PLS1: variants seen among roughly 807,000 people sequenced by gnomAD.
The protein encoded by PLS1 is plastin-1.
PLS1 carries 32 observed loss-of-function variants against 73.7 expected under a neutral mutation model. The observed-to-expected ratio is 0.43, with a 90% CI of 0.33 to 0.58. The LOEUF is 0.58. Ranked by LOEUF, PLS1 falls within the 20% of genes least tolerant of loss-of-function variation. The pLI, the probability that PLS1 is intolerant of heterozygous loss-of-function variation, is 0.04. For missense variants in PLS1, 633 were observed against 740.5 expected (o/e 0.85, Z 1.68); for synonymous variants, 217 against 261.3 (o/e 0.83, Z 1.63).
chr3:142,695,951 C>T (rs766075332), intron 11 of PLS1, among the ~76,000 whole-genome samples: 8 of 152,032 alleles, frequency 5.3e-5, no homozygotes, highest in Non-Finnish European at 7.4e-5. Flanking sequence ...TGTGCCACCA[C>T]GCCCAGCTAA....
chr3:142,710,084 G>A (rs7623762), intron 14 of PLS1, among the ~76,000 whole-genome samples: 75,597 of 151,748 alleles, frequency 0.5, 20,427 homozygotes, highest in African/African-American at 0.72. Context: ...AAGGAAAGGT[G>A]TTGACTACAA....
intron 1 of PLS1, among the ~76,000 whole-genome samples, chr3:142,640,585 A>G (rs13079246): frequency 0.62 from 94,480 of 151,992 alleles, 29,804 homozygotes; most frequent in African/African-American, 0.66. Context: ...ATGATTACCA[A>G]GACTTTAAAG....
chr3:142,659,678 T>C (rs1466100222), intron 1 of PLS1, among the ~76,000 whole-genome samples: 3 of 151,836 alleles, frequency 2.0e-5, no homozygotes, highest in Non-Finnish European at 4.4e-5. Context: ...TTTTCTTTTT[T>C]TTTTTTTGTT....
chr3:142,668,747 G>A (rs1577865933), intron 2 of PLS1, among the ~76,000 whole-genome samples: 1 of 151,798 alleles, frequency 6.6e-6, no homozygotes. Context: ...GATTACAGGT[G>A]CCCGCCACTA....
chr3:142,658,151 C>A (rs1285920785), intron 1 of PLS1, among the ~76,000 whole-genome samples: 3 of 152,098 alleles, frequency 2.0e-5, no homozygotes, highest in African/African-American at 7.2e-5. Flanking sequence ...TAGCATTTTG[C>A]CATAACTGCT....
chr3:142,615,966 A>G (rs2036207804), intron 1 of PLS1, among the ~76,000 whole-genome samples: 1 of 152,212 alleles, frequency 6.6e-6, no homozygotes, highest in African/African-American at 2.4e-5. Flanking sequence ...GGATGGACCC[A>G]GGAGACTATG....
chr3:142,678,303 G>A lies in PLS1; in HGVS notation c.579+190G>A, dbSNP rs551767790. On this transcript the variant is annotated intron_variant, in intron 6 of 15. Transcript: ENST00000457734. ...TATTATTATTATACTTTAAGTTTTA[G>A]GGTACATGTGCACAATGTGCAGGTT... Among the ~76,000 whole-genome samples the A allele has an allele frequency of 3.6e-3, 536 of 147,860 alleles. No individual in the cohort carries two copies. The highest frequency in any genetic ancestry group is 6.8e-3 in the South Asian group (32 of 4,672).
chr3:142,683,758 T>C (rs2037904016), intron 6 of PLS1, among the ~76,000 whole-genome samples: 1 of 152,086 alleles, frequency 6.6e-6, no homozygotes, highest in Admixed American at 6.5e-5. Flanking sequence ...CAAGTACATA[T>C]ATAGATACAC....
intron 1 of PLS1, among the ~76,000 whole-genome samples, chr3:142,597,800 C>T (rs1321170754): frequency 6.6e-6 from 1 of 152,178 alleles, no homozygotes; most frequent in Non-Finnish European, 1.5e-5. Flanking sequence ...CTCTTCTTTA[C>T]CTCCATTATT....
chr3:142,598,009 G>A (rs1015710372), intron 1 of PLS1, among the ~76,000 whole-genome samples: 28 of 152,114 alleles, frequency 1.8e-4, no homozygotes, highest in African/African-American at 6.0e-4. Flanking sequence ...TGCCCAAAAT[G>A]CCTGTTTGCC....
Position 142,643,986 on chromosome 3 carries a change from C to T in PLS1, c.-36-20216C>T, listed in dbSNP as rs149184819. Among the ~76,000 whole-genome samples, 651 of 151,926 alleles carry T rather than the reference C, an allele frequency of 4.3e-3. 3 individuals are homozygous for T. Among genetic ancestry groups the T allele is most frequent in the Non-Finnish European group, 7.9e-3 (538 of 67,922 alleles). On this transcript the variant is annotated intron_variant, in intron 1 of 15. Transcript: ENST00000457734. The stretch of plus-strand genomic sequence containing the variant: ...CTGGGATTACAGGTATGTACCACCA[C>T]GCCCAGCTAATTTTGTATTCTAGTA...
chr3:142,659,777 AC>A (rs1458573704), intron 1 of PLS1, among the ~76,000 whole-genome samples: 35 of 150,986 alleles, frequency 2.3e-4, no homozygotes, highest in Middle Eastern at 3.4e-3. Context: ...GCTCACTGTA[AC>A]CTCCGCCTCT....
chr3:142,706,492 G>A (rs1577916596), intron 14 of PLS1, among the ~76,000 whole-genome samples: 2 of 152,262 alleles, frequency 1.3e-5, no homozygotes, highest in East Asian at 3.9e-4. Context: ...CGGTTCCTAA[G>A]GGATGTTGCG....
At chr3:142,694,119 ATT>A (rs10598043) in intron 10 of PLS1, among the ~76,000 whole-genome samples, 11,954 of 151,868 alleles carry the variant, frequency 0.079, 724 homozygotes, top group African/African-American at 0.17. Flanking sequence ...CTGCGAAAAC[ATT>A]TTGTTTTTAT....
At chr3:142,678,226 T>C in intron 6 of PLS1, 113 bp downstream of exon 6, 1 of 427,838 alleles carries the variant, frequency 2.3e-6, no homozygotes, top group Middle Eastern at 3.7e-4. Context: ...AATGCTATTC[T>C]CCTATAAAAA....
chr3:142,698,799 A>C (rs902220254), intron 12 of PLS1, among the ~76,000 whole-genome samples: 1 of 152,226 alleles, frequency 6.6e-6, no homozygotes, highest in African/African-American at 2.4e-5. Context: ...CTTCCAAAAA[A>C]TCTTTTGACC....
intron 1 of PLS1, chr3:142,597,272 T>A (rs2035831204): frequency 6.6e-6 from 1 of 152,202 alleles, no homozygotes; most frequent in Non-Finnish European, 1.5e-5. Flanking sequence ...AGGCTTCAGC[T>A]GTGCTGCATA....
At chr3:142,641,698 C>T (rs1337784005) in intron 1 of PLS1, among the ~76,000 whole-genome samples, 1 of 152,000 alleles carries the variant, frequency 6.6e-6, no homozygotes, top group Non-Finnish European at 1.5e-5. Context: ...TGGTGGCGGT[C>T]TTCCTACAGA....
At chr3:142,664,118 G>T (rs2037427825) in intron 1 of PLS1, 84 bp from the exon 2 acceptor site, 10 of 529,284 alleles carry the variant, frequency 1.9e-5, no homozygotes. Flanking sequence ...TCCTCCTAGA[G>T]AATGTACTTC....
Sources: gnomAD v4.1 joint callset for allele counts (sites outside exome capture counted in the v4.1 genomes callset) on GRCh38, gnomAD v4.1.1 for gene constraint, MANE v1.5 for transcripts, NCBI Gene and HGNC (gene_info 2026-07-23, HGNC 2026-07-21) for gene names.